GALNT9: variants seen among roughly 807,000 people sequenced by gnomAD.
GALNT9 encodes the protein GalNAc transferase 9.
A neutral mutation model predicts 63.1 loss-of-function variants in GALNT9; 47 were observed. That is an observed-to-expected ratio of 0.75 (90% confidence interval 0.59 to 0.95). GALNT9 has a LOEUF of 0.95. Ranked by LOEUF, GALNT9 falls within the 40% of genes least tolerant of loss-of-function variation. The pLI is 0.00. For synonymous variants in GALNT9, 396 were observed against 365.7 expected (o/e 1.08, Z -0.94); for missense variants, 829 against 874.8 (o/e 0.95, Z 0.66).
Position 132,301,367 on chromosome 12 carries a change from G to T in GALNT9, c.239-14937C>A, listed in dbSNP as rs561294588. Among the ~76,000 whole-genome samples, 3 of 152,244 alleles carry T rather than the reference G, an allele frequency of 2.0e-5. No individual in the cohort carries two copies. The South Asian group carries it at 6.2e-4, about 31-fold the overall frequency. Reference sequence around the variant, plus strand: ...GACCACGGCTGTGCTTCCACTCCGCGCCCTGTTTCACAGACAGAAGTGCTG... The same window carrying T: ...GACCACGGCTGTGCTTCCACTCCGCTCCCTGTTTCACAGACAGAAGTGCTG... On this transcript the variant is annotated intron_variant, in intron 1 of 10. Transcript: ENST00000328957.
chr12:132,278,606 G>A (rs1183230098), intron 2 of GALNT9: 1 of 152,220 alleles, frequency 6.6e-6, no homozygotes, highest in Non-Finnish European at 1.5e-5. Context: ...CCCGCCGTCT[G>A]GTTGTGTCTC....
At chr12:132,304,766 C>CCCTCACCCAGACACAG (rs1881504629) in intron 1 of GALNT9, among the ~76,000 whole-genome samples, 1 of 48,704 alleles carries the variant, frequency 2.1e-5, no homozygotes, top group Non-Finnish European at 3.8e-5. Flanking sequence ...CCCGGGCACA[C>CCCTCACCCAGACACAG]CCTCACCCGG....
At chr12:132,312,001 T>G (rs1555245243) in intron 1 of GALNT9, among the ~76,000 whole-genome samples, 2 of 152,220 alleles carry the variant, frequency 1.3e-5, no homozygotes, top group Non-Finnish European at 2.9e-5. Context: ...TTGTAGATAA[T>G]GTCTCTCTCT....
chr12:132,227,293 C>A (rs1877729790), intron 6 of GALNT9, among the ~76,000 whole-genome samples: 1 of 152,136 alleles, frequency 6.6e-6, no homozygotes, highest in Non-Finnish European at 1.5e-5. Context: ...TGCAGCTGTG[C>A]ATGGTGCCGT....
intron 5 of GALNT9, among the ~76,000 whole-genome samples, chr12:132,248,738 T>C (rs1259356503): frequency 2.0e-5 from 3 of 152,262 alleles, no homozygotes; most frequent in Non-Finnish European, 4.4e-5. Context: ...CCAGCTGTAC[T>C]ATACTTCCTG....
chr12:132,226,940 C>T (rs1214006241), intron 6 of GALNT9, among the ~76,000 whole-genome samples: 1 of 149,526 alleles, frequency 6.7e-6, no homozygotes, highest in East Asian at 2.0e-4. Context: ...ACTGTACACA[C>T]CCCACATACA....
At chr12:132,249,275 G>T (rs1466729471) in intron 5 of GALNT9, among the ~76,000 whole-genome samples, 1 of 152,224 alleles carries the variant, frequency 6.6e-6, no homozygotes, top group Admixed American at 6.5e-5. Context: ...ACGGCAGGCC[G>T]CCCTGCAGGC....
intron 6 of GALNT9, chr12:132,240,497 C>T (rs2136898367): frequency 2.4e-5 from 10 of 409,648 alleles, no homozygotes; most frequent in Admixed American, 2.1e-4. Context: ...GGACCCCGGG[C>T]GGCACTCACT....
At chr12:132,325,327 A>C (rs1868989653) in intron 1 of GALNT9, among the ~76,000 whole-genome samples, 1 of 152,236 alleles carries the variant, frequency 6.6e-6, no homozygotes, top group South Asian at 2.1e-4. Context: ...CTATGTTCAC[A>C]GTACCGCCAG....
intron 5 of GALNT9, among the ~76,000 whole-genome samples, chr12:132,250,663 C>A (rs1312599364): frequency 6.6e-6 from 1 of 152,156 alleles, no homozygotes; most frequent in Non-Finnish European, 1.5e-5. Context: ...TGGTGGTGTG[C>A]ACCTGTAATC....
rs376803371 is a variant in GALNT9, at chr12:132,196,883, G to A, written c.*224C>T. On this transcript the variant is annotated 3_prime_UTR_variant, in exon 11 of 11. Coordinates refer to ENST00000328957, the MANE Select transcript of GALNT9 (RefSeq NM_001122636.2). ...TGAGTTGGCATCACTGTCCCCAGAC[G>A]CCCTCCCTCGGGTAGAGCCGCCTGT... 1.4e-5 allele frequency: 19 copies of A among 1,374,310 alleles called. No homozygotes were observed. Among genetic ancestry groups the A allele is most frequent in the African/African-American group, 1.0e-4 (7 of 67,882 alleles). 85.1% of individuals were successfully genotyped at this position (1,374,310 alleles called of 1,614,324 possible).
At chr12:132,320,809 G>A (rs536238612) in intron 1 of GALNT9, among the ~76,000 whole-genome samples, 61 of 152,186 alleles carry the variant, frequency 4.0e-4, no homozygotes, top group African/African-American at 1.3e-3. Flanking sequence ...CGGCGCCAGC[G>A]GGGGGGTCCT....
Position 132,327,426 on chromosome 12 carries a change from A to G in GALNT9, c.238+1540T>C, listed in dbSNP as rs1459281825. Among the ~76,000 whole-genome samples the G allele has an allele frequency of 2.0e-5, 3 of 151,898 alleles. 1 individual carries two copies. In the East Asian group the frequency reaches 5.8e-4, roughly 29 times the overall value. ...TCACCTTGAAGGGTGAGGCAGGGAA[A>G]ACGACTCACAGGGCCGAGCTGCCCT... On this transcript the variant is annotated intron_variant, in intron 1 of 10. Coordinates refer to ENST00000328957, the MANE Select transcript of GALNT9 (RefSeq NM_001122636.2). The surrounding 1 kb of genome is among the most constrained non-coding windows in gnomAD (Gnocchi z 4.3).
At chr12:132,241,539 G>T (rs1593078426) in intron 6 of GALNT9, among the ~76,000 whole-genome samples, 4 of 95,194 alleles carry the variant, frequency 4.2e-5, no homozygotes, top group Admixed American at 9.1e-5. Context: ...CCCCTTCCCG[G>T]GGCCCTCCCT....
At chr12:132,240,642 C>A (rs1555236877) in intron 6 of GALNT9, 3 of 449,328 alleles carry the variant, frequency 6.7e-6, no homozygotes, top group Admixed American at 2.4e-5. Flanking sequence ...GGGCCTCGGA[C>A]CTGCTCCTCT....
intron 1 of GALNT9, among the ~76,000 whole-genome samples, chr12:132,325,833 C>T (rs910784629): frequency 6.6e-6 from 1 of 152,258 alleles, no homozygotes; most frequent in Admixed American, 6.5e-5. Context: ...CATCGCCATC[C>T]CTGGCTCCAT....
intron 6 of GALNT9, among the ~76,000 whole-genome samples, chr12:132,226,497 C>T (rs997727849): frequency 5.7e-4 from 85 of 148,772 alleles, no homozygotes; most frequent in East Asian, 1.2e-3. Flanking sequence ...CACACATATG[C>T]CCCATACATA....
chr12:132,224,872 C>A (rs958820828), intron 6 of GALNT9, among the ~76,000 whole-genome samples: 3 of 149,788 alleles, frequency 2.0e-5, no homozygotes, highest in Non-Finnish European at 3.0e-5. Flanking sequence ...ATGTACACAC[C>A]CCACACATAC....
rs781885718 is a variant in GALNT9 at position 132,286,607 on chromosome 12, G to C, written c.239-177C>G. On this transcript the variant is annotated intron_variant, in intron 1 of 10. Coordinates refer to ENST00000328957, the MANE Select transcript of GALNT9 (RefSeq NM_001122636.2). This position sits in a 1 kb window ranked among gnomAD's most constrained non-coding sequence, Gnocchi z 7.4. Reference sequence around the variant, plus strand: ...CATTCCAGAAAGTGCAAGGCTGTGCGCGGAGTGAGAGGGCGGTGCCAGGCG... The same window carrying C: ...CATTCCAGAAAGTGCAAGGCTGTGCCCGGAGTGAGAGGGCGGTGCCAGGCG... 2 of 1,142,114 alleles carry C rather than the reference G, an allele frequency of 1.8e-6. No homozygotes were observed. Among genetic ancestry groups the C allele is most frequent in the African/African-American group, 1.6e-5 (1 of 64,060 alleles). The allele number at this position is 1,142,114 out of a possible 1,614,324, so 70.7% of individuals were successfully genotyped here. A position where few individuals can be genotyped will look rare whatever the true frequency, so the allele number is the denominator to read the frequency against.
Sources: allele counts gnomAD v4.1 joint callset (sites outside exome capture counted in the v4.1 genomes callset), GRCh38; gene constraint gnomAD v4.1.1; non-coding constraint Gnocchi (gnomAD v3.1); transcripts MANE v1.5; gene names NCBI Gene and HGNC (gene_info 2026-07-23, HGNC 2026-07-21).